Variants in DAGLB observed in about 807,000 individuals in gnomAD.
The protein encoded by DAGLB is diacylglycerol lipase-beta.
In DAGLB, 66 loss-of-function variants were observed where a neutral mutation model predicts 72.1. The observed-to-expected ratio is 0.92, with a 90% confidence interval of 0.75 to 1.12. The LOEUF is 1.12. Among genes scored for constraint, DAGLB ranks in the 50% most tolerant of loss-of-function variants. The probability of loss-of-function intolerance (pLI) is 0.00; values close to 1 mark genes in which losing one functional copy is unlikely to be tolerated. For missense variants in DAGLB, 1,065 were observed against 884.9 expected (o/e 1.20, Z -2.58); for synonymous variants, 414 against 359.5 (o/e 1.15, Z -1.71).
At chr7:6,410,415 C>G in intron 13 of DAGLB, 35 bp from the exon 14 acceptor site, 1 of 1,565,260 alleles carries the variant, frequency 6.4e-7, no homozygotes, top group South Asian at 1.2e-5. Flanking sequence ...AATGCTGTCA[C>G]TCACCCTCTG....
At chr7:6,419,370 C>G (rs1423883633) in intron 9 of DAGLB, among the ~76,000 whole-genome samples, 2 of 152,130 alleles carry the variant, frequency 1.3e-5, no homozygotes, top group African/African-American at 2.4e-5. Flanking sequence ...CAACTCCAGG[C>G]CACACTCACT....
intron 2 of DAGLB, 22 bp from the exon 3 acceptor site, chr7:6,436,555 G>A (rs778650264): frequency 8.1e-5 from 130 of 1,613,504 alleles, no homozygotes; most frequent in Non-Finnish European, 9.4e-5. Context: ...AAAACGTTCC[G>A]ACTGCTCAGT....
intron 9 of DAGLB, among the ~76,000 whole-genome samples, chr7:6,418,552 C>T (rs959135712): frequency 1.8e-4 from 28 of 152,138 alleles, no homozygotes; most frequent in African/African-American, 6.8e-4. Context: ...CGGAGAAAAG[C>T]GGGCCTGGCC....
At chr7:6,415,398 T>A (rs1783875166) in intron 11 of DAGLB, among the ~76,000 whole-genome samples, 1 of 152,012 alleles carries the variant, frequency 6.6e-6, no homozygotes, top group Non-Finnish European at 1.5e-5. Context: ...TACTTTTTAA[T>A]CATCCCAAAG....
chr7:6,422,569 A>G (rs1462278237), intron 8 of DAGLB: 1 of 153,844 alleles, frequency 6.5e-6, no homozygotes, highest in African/African-American at 2.4e-5. Context: ...GAAAAGCGCA[A>G]AAACACATCC....
At chr7:6,434,721 G>A in intron 4 of DAGLB, 41 bp downstream of exon 4, 1 of 1,607,926 alleles carries the variant, frequency 6.2e-7, no homozygotes. Flanking sequence ...AGCATTTACT[G>A]AAACAGAAGA....
chr7:6,424,925 GC>G lies in DAGLB; in HGVS notation c.1057-91del, dbSNP rs1423253811. 4 of 1,292,344 alleles carry G rather than the reference GC, an allele frequency of 3.1e-6. No homozygotes were observed. In the African/African-American group the frequency reaches 5.8e-5, roughly 19 times the overall value. 80.1% of individuals were successfully genotyped at this position (1,292,344 alleles called of 1,614,324 possible). ...GAGCCCTGCAGTGTCTGCAATGACA[GC>G]CCAAGTCCTGCGGCACAGAGAGGAG... is the stretch of plus-strand genomic sequence containing the variant. On this transcript the variant is annotated intron_variant, in intron 7 of 14. Transcript: ENST00000297056.
intron 11 of DAGLB, among the ~76,000 whole-genome samples, chr7:6,415,839 C>T (rs1184069094): frequency 4.7e-5 from 7 of 148,290 alleles, no homozygotes; most frequent in South Asian, 2.1e-4. Flanking sequence ...AGCAAGACTC[C>T]GTCTCAAAAA....
At chr7:6,420,348 G>A (rs1784071930) in intron 9 of DAGLB, among the ~76,000 whole-genome samples, 1 of 151,798 alleles carries the variant, frequency 6.6e-6, no homozygotes, top group South Asian at 2.1e-4. Context: ...GCTGAGACAG[G>A]AGAATTGCTT....
chr7:6,424,687 G>T, intron 8 of DAGLB, 65 bp downstream of exon 8: 3 of 1,498,074 alleles, frequency 2.0e-6, no homozygotes, highest in South Asian at 2.3e-5. Context: ...TTCCCCAGCC[G>T]AGCAGCTGTG....
intron 9 of DAGLB, among the ~76,000 whole-genome samples, chr7:6,419,676 G>A (rs536981249): frequency 1.3e-5 from 2 of 152,328 alleles, no homozygotes; most frequent in African/African-American, 4.8e-5. Context: ...CAGCCAAGCC[G>A]CGGATCCTCA....
At chr7:6,442,658 G>A (rs1784869588) in intron 2 of DAGLB, among the ~76,000 whole-genome samples, 2 of 152,164 alleles carry the variant, frequency 1.3e-5, no homozygotes, top group Admixed American at 6.6e-5. Flanking sequence ...CTTTCCTTAA[G>A]CATCTGGCAC....
At position 6,416,936 on chromosome 7, in the gene DAGLB, A is replaced by G; in HGVS notation, c.1219-15T>C. On this transcript the variant is annotated splice_polypyrimidine_tract_variant and intron_variant, in intron 9 of 14. Transcript: ENST00000297056. ...TGAGAAATACCCTAAAAACACAGAC[A>G]AAGAAGGTGGCCGTTAATCCTCAGA... 1 of 1,614,048 alleles carries G rather than the reference A, an allele frequency of 6.2e-7. No individual in the cohort carries two copies. Among genetic ancestry groups the G allele is most frequent in the Non-Finnish European group, 8.5e-7 (1 of 1,179,950 alleles).
rs150196750 is a variant in DAGLB at position 6,437,757 on chromosome 7, T to C, written c.248-1224A>G. On this transcript the variant is annotated intron_variant, in intron 2 of 14. Transcript: ENST00000297056. ...TCCGCCTCCCAGGTTCAAGTGATTC[T>C]CCTGCCTCAGCCTCCCTAGTAGCTG... is the stretch of plus-strand genomic sequence containing the variant. 8.9e-3 allele frequency among the ~76,000 whole-genome samples: 1,351 copies of C among 152,284 alleles called. 23 individuals carry two copies. Among genetic ancestry groups the C allele is most frequent in the African/African-American group, 0.031 (1,296 of 41,562 alleles).
intron 2 of DAGLB, among the ~76,000 whole-genome samples, chr7:6,444,186 T>C (rs1007040095): frequency 3.9e-5 from 6 of 152,036 alleles, no homozygotes; most frequent in Admixed American, 2.0e-4. Context: ...GAAGAGAGGA[T>C]TGCTTGAGCC....
At chr7:6,412,681 G>T (rs1292558350) in intron 13 of DAGLB, 130 bp downstream of exon 13, 3 of 1,026,094 alleles carry the variant, frequency 2.9e-6, no homozygotes, top group African/African-American at 3.2e-5. Context: ...CTGATCAGAT[G>T]GTGGAAGGAG....
Position 6,426,031 on chromosome 7 carries a change from C to A in DAGLB, c.1013G>T (p.Gly338Val). The A allele has an allele frequency of 1.2e-6, 2 of 1,614,118 alleles. No individual in the cohort carries two copies. Among genetic ancestry groups the A allele is most frequent in the South Asian group, 1.1e-5 (1 of 91,082 alleles). ...CHFGSILHTT[G>V]LQYRDFIHVS... ...GTGGATGAAGTCCCTGTACTGCAGC[C>A]CTGTGGTGTGCAGGATGGAGCCGAA... Residue 338 changes from glycine to valine, a missense_variant, in exon 7 of 15, where the codon GGG becomes GTG. By Grantham distance (109) the Gly-to-Val change is moderately radical. Coordinates refer to ENST00000297056, the MANE Select transcript of DAGLB (RefSeq NM_139179.4).
At chr7:6,422,034 AT>A in intron 8 of DAGLB, 1 of 647,568 alleles carries the variant, frequency 1.5e-6, no homozygotes, top group Non-Finnish European at 2.9e-6. Flanking sequence ...GGAGGGGACC[AT>A]GGAGTGTGCC....
At chr7:6,413,291 G>C (rs893966695) in intron 11 of DAGLB, among the ~76,000 whole-genome samples, 3 of 152,176 alleles carry the variant, frequency 2.0e-5, no homozygotes, top group Admixed American at 6.5e-5. Flanking sequence ...CCAAGCACAT[G>C]GATCTGTCCT....
Sources: gnomAD v4.1 joint callset for allele counts (sites outside exome capture counted in the v4.1 genomes callset) on GRCh38, gnomAD v4.1.1 for gene constraint, MANE v1.5 for transcripts, NCBI Gene and HGNC (gene_info 2026-07-23, HGNC 2026-07-21) for gene names.